Variants in FAM177A1 observed in about 807,000 individuals in gnomAD.
The protein encoded by FAM177A1 is protein FAM177A1.
In FAM177A1, 22 loss-of-function variants were observed where a neutral mutation model predicts 26.1. The ratio of observed to expected loss-of-function variants is 0.84; its 90% confidence interval spans 0.60 to 1.20. The LOEUF (loss-of-function observed/expected upper bound fraction) is 1.20, where lower values mean the gene tolerates loss of function less well. Ranked by LOEUF, FAM177A1 falls within the 50% of genes most tolerant of loss-of-function variation. The pLI, the probability that FAM177A1 is intolerant of heterozygous loss-of-function variation, is 0.00. For missense variants in FAM177A1, 296 were observed against 291.1 expected, an observed-to-expected ratio of 1.02 and a Z score of -0.12; for synonymous variants, 95 against 99.3, an observed-to-expected ratio of 0.96 and a Z score of 0.26.
At chr14:35,073,930 C>G (rs1356765756) in intron 2 of FAM177A1, among the ~76,000 whole-genome samples, 1 of 152,152 alleles carries the variant, frequency 6.6e-6, no homozygotes, top group African/African-American at 2.4e-5. Flanking sequence ...CCTTTCTTCT[C>G]AATGATTTTC....
At chr14:35,046,747 TC>T (rs201725571) in intron 1 of FAM177A1, 119 bp downstream of exon 1, 34,035 of 1,411,768 alleles carry the variant, frequency 0.024, 467 homozygotes, top group Non-Finnish European at 0.029. Flanking sequence ...GCTTTGGAGT[TC>T]CTCCTCACTG....
At chr14:35,054,582 A>G (rs796099321) in intron 2 of FAM177A1, 21 of 152,324 alleles carry the variant, frequency 1.4e-4, no homozygotes, top group African/African-American at 4.3e-4. Flanking sequence ...GAAAAGTGCT[A>G]TAAAGAAAAT....
At chr14:35,059,803 TC>T (rs1167082688) in intron 2 of FAM177A1, among the ~76,000 whole-genome samples, 3 of 152,178 alleles carry the variant, frequency 2.0e-5, no homozygotes, top group Admixed American at 6.6e-5. Flanking sequence ...TGCCTCAGTC[TC>T]CCAAAGTGCT....
intron 2 of FAM177A1, among the ~76,000 whole-genome samples, chr14:35,068,640 G>A (rs2045273865): frequency 6.6e-6 from 1 of 152,168 alleles, no homozygotes; most frequent in Admixed American, 6.6e-5. Context: ...CTCCATTTGG[G>A]TATTCTCCCG....
chr14:35,047,984 C>T (rs1282917332), intron 1 of FAM177A1, among the ~76,000 whole-genome samples: 1 of 152,134 alleles, frequency 6.6e-6, no homozygotes, highest in Non-Finnish European at 1.5e-5. Context: ...GCCTGGGCAA[C>T]AGAGCAAGAA....
upstream of FAM177A1, chr14:35,046,170 G>A (rs2044856189): frequency 3.8e-6 from 1 of 263,566 alleles, no homozygotes; most frequent in Non-Finnish European, 7.2e-6. Flanking sequence ...GGTGCCAGGC[G>A]GGGATCCACG....
intron 2 of FAM177A1, among the ~76,000 whole-genome samples, chr14:35,069,488 T>G (rs185972110): frequency 6.6e-6 from 1 of 152,178 alleles, no homozygotes; most frequent in East Asian, 1.9e-4. Context: ...TTTTGCCATG[T>G]TGGTCAGGCT....
chr14:35,083,341 CTT>C lies in FAM177A1; in HGVS notation c.*2115_*2116del, dbSNP rs2045515833. 1 of 152,590 alleles carries C rather than the reference CTT, an allele frequency of 6.6e-6. No homozygotes were observed. Among genetic ancestry groups the C allele is most frequent in the African/African-American group, 2.4e-5 (1 of 41,442 alleles). The allele number at this position is 152,590 out of a possible 1,614,324, so 9.5% of individuals were successfully genotyped here. A position where few individuals can be genotyped will look rare whatever the true frequency, so the allele number is the denominator to read the frequency against. On this transcript the variant is annotated 3_prime_UTR_variant, in exon 5 of 5. Coordinates refer to ENST00000280987, the MANE Select transcript of FAM177A1 (RefSeq NM_173607.5). ...TTATTCACTGTGCCTTAAGTTTATA[CTT>C]TGTTTATGCAAACTATAAAATTTCC... is the stretch of plus-strand genomic sequence containing the variant.
Position 35,049,680 on chromosome 14 carries a change from G to T in FAM177A1, c.165+3052G>T, listed in dbSNP as rs572836710. 5.7e-3 allele frequency among the ~76,000 whole-genome samples: 873 copies of T among 152,270 alleles called. 7 individuals carry two copies. Among genetic ancestry groups the T allele is most frequent in the Middle Eastern group, 0.01 (3 of 294 alleles). ...CACGCCTGTAGTCCCAGCTACTCGG[G>T]AGGCTGAGGCAGGAGAATCGCTGAA... On this transcript the variant is annotated intron_variant, in intron 1 of 4. Coordinates refer to ENST00000280987, the MANE Select transcript of FAM177A1 (RefSeq NM_173607.5).
intron 2 of FAM177A1, among the ~76,000 whole-genome samples, chr14:35,071,388 AATAG>A (rs1227079584): frequency 6.6e-6 from 1 of 152,184 alleles, no homozygotes; most frequent in Non-Finnish European, 1.5e-5. Flanking sequence ...AGTAGGTCTT[AATAG>A]GGAAGGAAGA....
chr14:35,077,901 A>G (rs1448431491), intron 3 of FAM177A1, among the ~76,000 whole-genome samples: 1 of 152,166 alleles, frequency 6.6e-6, no homozygotes, highest in African/African-American at 2.4e-5. Context: ...TAGTTAATTT[A>G]TATTTCTATT....
intron 2 of FAM177A1, among the ~76,000 whole-genome samples, chr14:35,055,709 C>A (rs1452695154): frequency 6.6e-6 from 1 of 152,120 alleles, no homozygotes; most frequent in East Asian, 1.9e-4. Flanking sequence ...TGAGCCACCA[C>A]ACACAGCCCT....
In FAM177A1 at chr14:35,078,963, TG is replaced by T; in HGVS notation, c.446del (p.Gly149ValfsTer17). ...CTTGGAGAGAAGATTGCATCTGTTT[TG>T]GGTATCAGCACCCCAAAGTACCAAT... ...DFLGEKIASVLGISTPKYQYA... is the reference protein window; with the variant it reads ...DFLGEKIASVXGISTPKYQYA... On this transcript the variant is annotated frameshift_variant, in exon 4 of 5. Transcript: ENST00000280987. LOFTEE classifies it high-confidence loss of function. 1 of 1,554,306 alleles carries T rather than the reference TG, an allele frequency of 6.4e-7. No homozygotes were observed. Among genetic ancestry groups the T allele is most frequent in the South Asian group, 1.3e-5 (1 of 79,838 alleles).
At chr14:35,051,795 T>C (rs1353554995) in intron 1 of FAM177A1, among the ~76,000 whole-genome samples, 1 of 152,204 alleles carries the variant, frequency 6.6e-6, no homozygotes, top group Non-Finnish European at 1.5e-5. Flanking sequence ...CAGAGAAGAA[T>C]CATATCTGTT....
chr14:35,071,950 A>G (rs920031219), intron 2 of FAM177A1, among the ~76,000 whole-genome samples: 1 of 152,210 alleles, frequency 6.6e-6, no homozygotes, highest in Non-Finnish European at 1.5e-5. Context: ...TATGTATTAT[A>G]TGCTCTATTC....
At chr14:35,073,634 C>G (rs534885804) in intron 2 of FAM177A1, among the ~76,000 whole-genome samples, 1 of 152,300 alleles carries the variant, frequency 6.6e-6, no homozygotes, top group African/African-American at 2.4e-5. Flanking sequence ...TGGAACCAAT[C>G]CAGGAAAAGG....
chr14:35,046,206 A>C, upstream of FAM177A1: 1 of 322,112 alleles, frequency 3.1e-6, no homozygotes, highest in Non-Finnish European at 5.7e-6. Context: ...CTTGGCCGGA[A>C]GCGACGCCCC....
chr14:35,069,947 C>G (rs1183875042), intron 2 of FAM177A1, among the ~76,000 whole-genome samples: 1 of 150,950 alleles, frequency 6.6e-6, no homozygotes, highest in Non-Finnish European at 1.5e-5. Flanking sequence ...GAAACCCCGT[C>G]TCTACTAAAA....
intron 1 of FAM177A1, 177 bp downstream of exon 1, chr14:35,046,805 C>G: frequency 7.3e-7 from 1 of 1,378,106 alleles, no homozygotes; most frequent in Admixed American, 3.4e-5. Flanking sequence ...AAGGAGCGCC[C>G]CCCGCCTCAC....
Sources: gnomAD v4.1 joint callset for allele counts (sites outside exome capture counted in the v4.1 genomes callset) on GRCh38, gnomAD v4.1.1 for gene constraint, MANE v1.5 for transcripts, NCBI Gene and HGNC (gene_info 2026-07-23, HGNC 2026-07-21) for gene names.